Variants in FOCAD observed in about 807,000 individuals in gnomAD.
FOCAD encodes the protein focadhesin, also known as KIAA1797.
FOCAD carries 198 observed loss-of-function variants against 225.6 expected under a neutral mutation model. The ratio of observed to expected loss-of-function variants is 0.88; its 90% CI spans 0.78 to 0.99. FOCAD has a LOEUF of 0.99. FOCAD is among the 50% of genes least tolerant of loss of function. The pLI, the probability that FOCAD is intolerant of heterozygous loss-of-function variation, is 0.00. For synonymous variants in FOCAD, 897 were observed against 755.0 expected (o/e 1.19, Z -3.08); for missense variants, 2,713 against 2,123.6 (o/e 1.28, Z -5.46).
intron 35 of FOCAD, among the ~76,000 whole-genome samples, chr9:20,968,431 C>CTTTTTTTTTTTTTTT (rs35624897): frequency 4.6e-5 from 2 of 43,636 alleles, no homozygotes; most frequent in Non-Finnish European, 7.9e-5. Context: ...TTTTCTTATT[C>CTTTTTTTTTTTTTTT]TTTTTTTTTT....
At position 20,944,750 on chromosome 9, in the gene FOCAD, G is replaced by A. The variant is rs1238096504; in HGVS notation, c.3531G>A (p.Gly1177=). Residue 1177 remains glycine (G), a synonymous_variant, in exon 29 of 44, where the codon GGG becomes GGA. Coordinates refer to ENST00000338382, the MANE Select transcript of FOCAD (RefSeq NM_001375567.1). ...TGTCTGCGCACGTAGATGACAGCGG[G>A]AGCCAGAGCAGAACGTTTCAGGAGG... is the stretch of plus-strand genomic sequence containing the variant. ...RKLSAHVDDS[G]SQSRTFQEVL... 6.8e-6 allele frequency: 11 copies of A among 1,613,570 alleles called. No individual in the cohort carries two copies. Among genetic ancestry groups the A allele is most frequent in the Non-Finnish European group, 9.3e-6 (11 of 1,179,664 alleles).
chr9:20,663,605 T>G (rs1216817452), intron 2 of FOCAD, among the ~76,000 whole-genome samples: 1 of 152,080 alleles, frequency 6.6e-6, no homozygotes, highest in Admixed American at 6.6e-5. Flanking sequence ...TCAAAAACAA[T>G]TCTAAGACAT....
chr9:20,872,614 T>C (rs2131776414), intron 18 of FOCAD, among the ~76,000 whole-genome samples: 1 of 151,426 alleles, frequency 6.6e-6, no homozygotes, highest in East Asian at 2.0e-4. Flanking sequence ...CCTTCCTTTC[T>C]TTTCTCTTTT....
chr9:20,866,154 C>T (rs574051644), intron 17 of FOCAD, among the ~76,000 whole-genome samples, 178 bp downstream of exon 17: 1 of 152,044 alleles, frequency 6.6e-6, no homozygotes, highest in Non-Finnish European at 1.5e-5. Flanking sequence ...TCAATTTATG[C>T]CCATTAATAC....
intron 35 of FOCAD, among the ~76,000 whole-genome samples, chr9:20,972,369 ATTTGG>A (rs1037947844): frequency 6.6e-6 from 1 of 151,824 alleles, no homozygotes; most frequent in African/African-American, 2.4e-5. Context: ...TGTGGTTTTG[ATTTGG>A]TTTGGTTTTT....
rs1159941279 is a variant in FOCAD, at chr9:20,986,380, T to C, written c.4821T>C (p.Ala1607=). The change falls in exon 40 of 44, where the codon GCT becomes GCC. Residue 1607 remains alanine, a synonymous_variant. Coordinates refer to ENST00000338382, the MANE Select transcript of FOCAD (RefSeq NM_001375567.1). ...ACCTGACCGATATGCTGAGCGTTGC[T>C]GTGCAGCACCGTGAGAAAGAGGTGT... ...LVNLTDMLSV[A]VQHREKEVLA... The C allele has an allele frequency of 1.2e-6, 2 of 1,611,282 alleles. No individual in the cohort carries two copies. The highest frequency in any genetic ancestry group is 1.7e-6 in the Non-Finnish European group (2 of 1,179,334).
chr9:20,915,164 A>C (rs537337535), intron 23 of FOCAD, among the ~76,000 whole-genome samples: 1 of 152,292 alleles, frequency 6.6e-6, no homozygotes, highest in East Asian at 1.9e-4. Context: ...GTTGTTGACT[A>C]GTCTATAGTT....
Position 20,990,100 on chromosome 9 carries a change from C to T in FOCAD, c.5005-23C>T, listed in dbSNP as rs13301875. ...TGAATTGTTAAAAAATATGACCTAA[C>T]GTCATTTCTATTTTCATCGTAGGCT... On this transcript the variant is annotated intron_variant, in intron 41 of 43. Transcript: ENST00000338382. 0.23 allele frequency: 365,389 copies of T among 1,611,538 alleles called. 43,697 individuals carry two copies. Among genetic ancestry groups the T allele is most frequent in the South Asian group, 0.32 (28,863 of 90,948 alleles).
intron 21 of FOCAD, among the ~76,000 whole-genome samples, chr9:20,906,529 A>G (rs1204471744): frequency 6.6e-6 from 1 of 152,010 alleles, no homozygotes; most frequent in Non-Finnish European, 1.5e-5. Context: ...TGAGAACCAG[A>G]TGTTTTGTCT....
At chr9:20,696,915 C>T (rs1182095969) in intron 1 of FOCAD, among the ~76,000 whole-genome samples, 1 of 152,070 alleles carries the variant, frequency 6.6e-6, no homozygotes, top group Non-Finnish European at 1.5e-5. Flanking sequence ...AGATTGGTGC[C>T]AATGTAAAAG....
intron 15 of FOCAD, among the ~76,000 whole-genome samples, chr9:20,841,400 T>G (rs1826514284): frequency 6.6e-6 from 1 of 151,940 alleles, no homozygotes; most frequent in South Asian, 2.1e-4. Context: ...TCTGGGCTTT[T>G]TTTTTTGATG....
chr9:20,874,727 A>T lies in FOCAD; in HGVS notation c.2237A>T (p.Asp746Val), dbSNP rs1564098846. 1 of 1,613,594 alleles carries T rather than the reference A, an allele frequency of 6.2e-7. No homozygotes were observed. Among genetic ancestry groups the T allele is most frequent in the Non-Finnish European group, 8.5e-7 (1 of 1,179,680 alleles). Reference protein sequence around the residue: ...PIPEELDDDEDVEDVDLSVPG... With the variant: ...PIPEELDDDEVVEDVDLSVPG... The stretch of plus-strand genomic sequence containing the variant: ...CCTGAAGAGTTAGATGACGATGAAG[A>T]TGTTGAGGATGTGGATCTTTCAGTT... The change falls in exon 19 of 44, where the codon GAT (aspartate) becomes GTT (valine). Residue 746 changes from aspartate (D) to valine (V), a missense_variant. By Grantham distance (152) the Asp-to-Val change is radical. Transcript: ENST00000338382.
chr9:20,679,058 C>T (rs1484594908), intron 2 of FOCAD, among the ~76,000 whole-genome samples: 2 of 149,308 alleles, frequency 1.3e-5, no homozygotes, highest in East Asian at 2.0e-4. Flanking sequence ...GCCAGGAGGC[C>T]GGGTGAGTGA....
intron 7 of FOCAD, 54 bp from the exon 8 acceptor site, chr9:20,769,972 TTTAAAA>T (rs1392441684): frequency 1.3e-5 from 19 of 1,476,662 alleles, no homozygotes; most frequent in Admixed American, 3.6e-5. Flanking sequence ...TTTTGTGTAC[TTTAAAA>T]TTATCTTTTG....
intron 11 of FOCAD, among the ~76,000 whole-genome samples, chr9:20,812,198 C>T (rs979173348): frequency 6.6e-6 from 1 of 152,002 alleles, no homozygotes; most frequent in Non-Finnish European, 1.5e-5. Context: ...TTGCCTCTCA[C>T]TTTCATTGGC....
chr9:20,774,381 T>C (rs1818550836), intron 8 of FOCAD, among the ~76,000 whole-genome samples: 1 of 152,216 alleles, frequency 6.6e-6, no homozygotes, highest in African/African-American at 2.4e-5. Flanking sequence ...TGGTACGCAA[T>C]GCCTAGTTCT....
intron 11 of FOCAD, among the ~76,000 whole-genome samples, chr9:20,798,585 T>C (rs995164403): frequency 1.3e-5 from 2 of 152,214 alleles, no homozygotes; most frequent in African/African-American, 2.4e-5. Context: ...GGAGGATGTA[T>C]GTGTCGAGGA....
intron 21 of FOCAD, among the ~76,000 whole-genome samples, chr9:20,891,576 A>G (rs1268523207): frequency 1.3e-5 from 2 of 152,224 alleles, no homozygotes; most frequent in Non-Finnish European, 2.9e-5. Context: ...ACATTCCCTT[A>G]AGCCAAAGTC....
At chr9:20,658,089 CA>C (rs1285126966), upstream of FOCAD, among the ~76,000 whole-genome samples, 10 of 148,898 alleles carry the variant, frequency 6.7e-5, no homozygotes, top group Admixed American at 3.4e-4. Flanking sequence ...TTAGGCTGCT[CA>C]GGGGTCAGGG....
Sources: gnomAD v4.1 joint callset for allele counts (sites outside exome capture counted in the v4.1 genomes callset) on GRCh38, gnomAD v4.1.1 for gene constraint, MANE v1.5 for transcripts, NCBI Gene and HGNC (gene_info 2026-07-23, HGNC 2026-07-21) for gene names.